The following NOX4 variants were observed in gnomAD, a reference collection of about 807,000 sequenced individuals.
NOX4 encodes kidney oxidase-1.
NOX4 carries 69 observed loss-of-function variants against 87.6 expected under a neutral mutation model. The ratio of observed to expected loss-of-function variants is 0.79; its 90% confidence interval spans 0.65 to 0.96. The LOEUF is 0.96. Ranked by LOEUF, NOX4 falls within the 40% of genes least tolerant of loss-of-function variation. The probability of loss-of-function intolerance (pLI) is 0.00; values close to 1 mark genes in which losing one functional copy is unlikely to be tolerated. For missense variants in NOX4, 680 were observed against 681.5 expected (o/e 1.00, Z 0.02); for synonymous variants, 275 against 238.2 (o/e 1.15, Z -1.42).
intron 16 of NOX4, 136 bp from the exon 17 acceptor site, chr11:89,336,081 C>T: frequency 2.2e-6 from 1 of 458,872 alleles, no homozygotes; most frequent in South Asian, 5.1e-5. Flanking sequence ...GGCAACCTAT[C>T]ACGTACAATT....
rs35531987 is a variant in NOX4, at chr11:89,357,216, G to GTT, written c.1136-2175_1136-2174dup. Among the ~76,000 whole-genome samples, 837 of 150,704 alleles carry GTT rather than the reference G, an allele frequency of 5.6e-3. 8 individuals carry two copies. Among genetic ancestry groups the GTT allele is most frequent in the African/African-American group, 0.019 (780 of 41,138 alleles). ...CAGAGATACATAACTGGCTTCTACT[G>GTT]TTTTTTTTTCTCTCAAAATTCTGAC... On this transcript the variant is annotated intron_variant, in intron 12 of 17. Transcript: ENST00000263317.
chr11:89,405,285 C>A (rs529707198), intron 8 of NOX4, among the ~76,000 whole-genome samples: 1 of 152,050 alleles, frequency 6.6e-6, no homozygotes, highest in Non-Finnish European at 1.5e-5. Flanking sequence ...CCCAATCAAA[C>A]ATTTGTGCTG....
At chr11:89,483,105 A>G (rs537420061) in intron 2 of NOX4, among the ~76,000 whole-genome samples, 1 of 152,200 alleles carries the variant, frequency 6.6e-6, no homozygotes, top group South Asian at 2.1e-4. Flanking sequence ...AAAAATCAAT[A>G]ATTCCTATAT....
the NOX4 span, among the ~76,000 whole-genome samples, chr11:89,528,195 G>A: frequency 6.6e-5 from 10 of 152,146 alleles, no homozygotes; most frequent in East Asian, 1.9e-4. Flanking sequence ...CATTTGGAAC[G>A]GGGGTATTTA....
intron 5 of NOX4, chr11:89,443,690 A>C (rs928351124): frequency 6.5e-6 from 1 of 153,420 alleles, no homozygotes; most frequent in Non-Finnish European, 1.5e-5. Flanking sequence ...GAATCATGAA[A>C]ACTCACTAAC....
chr11:89,456,583 G>T (rs1438621624), intron 2 of NOX4, among the ~76,000 whole-genome samples: 1 of 152,156 alleles, frequency 6.6e-6, no homozygotes, highest in African/African-American at 2.4e-5. Context: ...CCTGTAGGGG[G>T]CTGCTGAGCA....
chr11:89,518,718 A>G, the NOX4 span, among the ~76,000 whole-genome samples: 1 of 152,082 alleles, frequency 6.6e-6, no homozygotes, highest in Non-Finnish European at 1.5e-5. Context: ...GTTGTATGGT[A>G]TAATAAAAGA....
the NOX4 span, among the ~76,000 whole-genome samples, chr11:89,547,420 A>G: frequency 1.3e-5 from 2 of 152,204 alleles, no homozygotes; most frequent in Non-Finnish European, 2.9e-5. Context: ...AGGAAAGAGC[A>G]TATTTCAGAA....
intron 12 of NOX4, among the ~76,000 whole-genome samples, chr11:89,364,565 AACCCAT>A (rs1938789769): frequency 6.6e-6 from 1 of 152,102 alleles, no homozygotes; most frequent in African/African-American, 2.4e-5. Context: ...AAAATCCCTA[AACCCAT>A]ACATGTAATT....
At chr11:89,425,220 G>A (rs1474101530) in intron 7 of NOX4, among the ~76,000 whole-genome samples, 1 of 151,726 alleles carries the variant, frequency 6.6e-6, no homozygotes, top group African/African-American at 2.4e-5. Context: ...CCACAAAATT[G>A]GCACCCTCAT....
chr11:89,537,446 T>C, the NOX4 span, among the ~76,000 whole-genome samples: 4 of 151,694 alleles, frequency 2.6e-5, no homozygotes, highest in African/African-American at 7.3e-5. Flanking sequence ...TATACATAAG[T>C]ATCTCTCATA....
the NOX4 span, among the ~76,000 whole-genome samples, chr11:89,534,520 A>C: frequency 6.6e-6 from 1 of 152,210 alleles, no homozygotes; most frequent in Non-Finnish European, 1.5e-5. Context: ...ATAATAGTTG[A>C]ATTTCCCACA....
At chr11:89,419,870 T>G (rs1273467433) in intron 8 of NOX4, among the ~76,000 whole-genome samples, 1 of 151,710 alleles carries the variant, frequency 6.6e-6, no homozygotes, top group East Asian at 1.9e-4. Context: ...AAAGAAATAG[T>G]TTTTTTTCAG....
At chr11:89,435,767 T>C (rs1201917995) in intron 6 of NOX4, among the ~76,000 whole-genome samples, 2 of 152,084 alleles carry the variant, frequency 1.3e-5, no homozygotes, top group Non-Finnish European at 2.9e-5. Flanking sequence ...TACTGTCCCT[T>C]ACACAAAACT....
Position 89,326,829 on chromosome 11 carries a change from G to C in NOX4, c.1664C>G (p.Thr555Ser), listed in dbSNP as rs1351829557. 4 of 1,612,864 alleles carry C rather than the reference G, an allele frequency of 2.5e-6. No homozygotes were observed. The highest frequency in any genetic ancestry group is 2.2e-5 in the East Asian group (1 of 44,796). ...GTTCTGGTTACTCAGTTTATGAAGAGTCTTGGATAGTGAATTGGGTCCACA... is the reference window on the plus strand; with the variant it reads ...GTTCTGGTTACTCAGTTTATGAAGACTCTTGGATAGTGAATTGGGTCCACA... Reference protein sequence around the residue: ...FCCGPNSLSKTLHKLSNQNNS... With the variant: ...FCCGPNSLSKSLHKLSNQNNS... The change falls in exon 18 of 18, where the codon ACT (threonine) becomes AGT (serine). Residue 555 changes from threonine (T) to serine (S), a missense_variant. Thr to Ser is a moderately conservative substitution (Grantham distance 58). Coordinates refer to ENST00000263317, the MANE Select transcript of NOX4 (RefSeq NM_016931.5).
the NOX4 span, among the ~76,000 whole-genome samples, chr11:89,583,845 G>A: frequency 6.6e-6 from 1 of 152,048 alleles, no homozygotes; most frequent in African/African-American, 2.4e-5. Flanking sequence ...GACTACTACT[G>A]CACTTCGCAC....
At chr11:89,363,433 G>A (rs1938686107) in intron 12 of NOX4, among the ~76,000 whole-genome samples, 1 of 151,912 alleles carries the variant, frequency 6.6e-6, no homozygotes. Flanking sequence ...CACATACTGT[G>A]AACAAAACAA....
chr11:89,467,703 A>T (rs1945766201), intron 2 of NOX4, among the ~76,000 whole-genome samples: 1 of 152,148 alleles, frequency 6.6e-6, no homozygotes, highest in Non-Finnish European at 1.5e-5. Flanking sequence ...TCCACTTCCC[A>T]ACACTATTGC....
At chr11:89,561,035 TACAC>T in the NOX4 span, among the ~76,000 whole-genome samples, 1 of 49,246 alleles carries the variant, frequency 2.0e-5, no homozygotes, top group African/African-American at 8.9e-5. Flanking sequence ...CACACACACA[TACAC>T]ATATATCATA....
Sources: gnomAD v4.1 joint callset for allele counts (sites outside exome capture counted in the v4.1 genomes callset) on GRCh38, gnomAD v4.1.1 for gene constraint, MANE v1.5 for transcripts, NCBI Gene and HGNC (gene_info 2026-07-23, HGNC 2026-07-21) for gene names.